LEPR: variants seen among roughly 807,000 people sequenced by gnomAD.
LEPR encodes the protein leptin receptor, also known as OB receptor.
LEPR carries 56 observed loss-of-function variants against 114.7 expected under a neutral mutation model. The observed-to-expected ratio is 0.49, with a 90% CI of 0.39 to 0.61. The LOEUF (loss-of-function observed/expected upper bound fraction) is 0.61. Ranked by LOEUF, LEPR falls within the 20% of genes least tolerant of loss-of-function variation. The probability of loss-of-function intolerance (pLI) is 0.00; values close to 1 mark genes in which losing one functional copy is unlikely to be tolerated. For missense variants in LEPR, 1,202 were observed against 1,352.9 expected (o/e 0.89, Z 1.75); for synonymous variants, 443 against 461.4 (o/e 0.96, Z 0.51).
intron 2 of LEPR, among the ~76,000 whole-genome samples, chr1:65,529,175 G>A (rs1205600843): frequency 6.6e-6 from 1 of 151,914 alleles, no homozygotes; most frequent in Non-Finnish European, 1.5e-5. Flanking sequence ...TTAACATTAT[G>A]TTTATGAGAT....
chr1:65,579,646 A>G (rs114315471), intron 5 of LEPR, among the ~76,000 whole-genome samples: 1,578 of 152,320 alleles, frequency 0.01, 32 homozygotes, highest in African/African-American at 0.037. Flanking sequence ...GTGATTAAAA[A>G]TTCTCACTTG....
intron 11 of LEPR, among the ~76,000 whole-genome samples, chr1:65,606,508 C>T (rs533605814): frequency 3.3e-5 from 5 of 152,268 alleles, no homozygotes; most frequent in South Asian, 2.1e-4. Flanking sequence ...CCTTTAAATC[C>T]GGACTAGCCA....
At chr1:65,459,031 A>G (rs898994275) in intron 2 of LEPR, among the ~76,000 whole-genome samples, 12 of 152,220 alleles carry the variant, frequency 7.9e-5, no homozygotes, top group African/African-American at 2.7e-4. Flanking sequence ...GGTGAAAGGA[A>G]CTGATGTAAA....
At chr1:65,617,187 A>G (rs1034352510) in intron 15 of LEPR, among the ~76,000 whole-genome samples, 20 of 152,200 alleles carry the variant, frequency 1.3e-4, no homozygotes, top group African/African-American at 4.8e-4. Context: ...TAAGACAGGT[A>G]TTAATGAAAT....
chr1:65,610,019 G>A lies in LEPR; in HGVS notation c.1825G>A (p.Val609Ile), dbSNP rs1257786005. 8 of 1,614,100 alleles carry A rather than the reference G, an allele frequency of 5.0e-6. No homozygotes were observed. In the Admixed American group the frequency reaches 8.3e-5, roughly 17 times the overall value. Reference sequence around the variant, plus strand: ...TCCAGACTTGTGTGCAGTCTATGCTGTTCAGGTGCGCTGTAAGAGGCTAGA... The same window carrying A: ...TCCAGACTTGTGTGCAGTCTATGCTATTCAGGTGCGCTGTAAGAGGCTAGA... ...PVPDLCAVYA[V>I]QVRCKRLDGL... The change falls in exon 13 of 20, where the codon GTT becomes ATT. Residue 609 changes from valine (V) to isoleucine (I), a missense_variant. Physicochemically the swap from Val to Ile is conservative, Grantham distance 29 (BLOSUM62 3). Transcript: ENST00000349533.
chr1:65,432,657 GAA>G (rs1349310362), intron 2 of LEPR: 11 of 984,280 alleles, frequency 1.1e-5, no homozygotes, highest in Non-Finnish European at 1.3e-5. Context: ...TCAAATTTAT[GAA>G]AAGTGTTCTC....
At chr1:65,564,347 C>G (rs369658291) in intron 2 of LEPR, among the ~76,000 whole-genome samples, 1 of 142,026 alleles carries the variant, frequency 7.0e-6, no homozygotes, top group African/African-American at 2.6e-5. Context: ...TTCTTTGACT[C>G]GGAAAGGGAA....
chr1:65,504,895 C>T (rs551759321), intron 2 of LEPR, among the ~76,000 whole-genome samples: 2 of 152,198 alleles, frequency 1.3e-5, no homozygotes, highest in East Asian at 3.9e-4. Context: ...GCATCTAAAT[C>T]TTTTAAAATA....
chr1:65,442,304 C>T (rs762734134), intron 2 of LEPR, among the ~76,000 whole-genome samples: 6 of 152,198 alleles, frequency 3.9e-5, no homozygotes, highest in Non-Finnish European at 8.8e-5. Context: ...TAGACAATAA[C>T]TTAATTCTTT....
intron 2 of LEPR, among the ~76,000 whole-genome samples, chr1:65,511,336 T>C (rs1294055362): frequency 1.3e-5 from 2 of 152,026 alleles, no homozygotes; most frequent in African/African-American, 4.8e-5. Flanking sequence ...AATCCAGACC[T>C]GAATCAGAAT....
chr1:65,586,519 G>T (rs1313577951), intron 5 of LEPR, among the ~76,000 whole-genome samples: 1 of 151,042 alleles, frequency 6.6e-6, no homozygotes. Flanking sequence ...ATTCAACTCT[G>T]TGCTTGCAGA....
intron 19 of LEPR, chr1:65,635,466 A>G (rs1658685347): frequency 1.3e-6 from 1 of 751,750 alleles, no homozygotes; most frequent in Non-Finnish European, 1.6e-6. Context: ...ACATGTCCAT[A>G]GTAAATATTT....
intron 2 of LEPR, chr1:65,433,055 A>G: frequency 1.0e-6 from 1 of 985,428 alleles, no homozygotes; most frequent in Non-Finnish European, 1.2e-6. Flanking sequence ...AGATGCGGGC[A>G]GGGAGGCTGG....
At chr1:65,517,698 T>C (rs1393763394) in intron 2 of LEPR, among the ~76,000 whole-genome samples, 1 of 152,220 alleles carries the variant, frequency 6.6e-6, no homozygotes, top group Non-Finnish European at 1.5e-5. Flanking sequence ...ACCATCATTC[T>C]AGTCTAACTC....
rs1391456180 is a variant in LEPR at position 65,443,972 on chromosome 1, T to A, written c.-21+18594T>A. ...GATACTTTTTTTTTTTTTTTTTTTT[T>A]ATACTCTAAGTTTTAGGGTACATGT... On this transcript the variant is annotated intron_variant, in intron 2 of 19. Transcript: ENST00000349533. Among the ~76,000 whole-genome samples the A allele has an allele frequency of 3.6e-4, 11 of 30,412 alleles. 2 individuals are homozygous for A. Among genetic ancestry groups the A allele is most frequent in the East Asian group, 1.1e-3 (4 of 3,780 alleles). 20.0% of individuals were successfully genotyped at this position (30,412 alleles called of 152,430 possible).
chr1:65,489,824 G>A (rs1364201137), intron 2 of LEPR, among the ~76,000 whole-genome samples: 1 of 152,046 alleles, frequency 6.6e-6, no homozygotes, highest in Non-Finnish European at 1.5e-5. Flanking sequence ...ATTCCAATTT[G>A]TTGGGATTTC....
chr1:65,526,393 A>T (rs973597452), intron 2 of LEPR: 1 of 985,402 alleles, frequency 1.0e-6, no homozygotes, highest in Non-Finnish European at 1.2e-6. Context: ...AGAGATTTGT[A>T]GTGGTGAGAA....
chr1:65,590,609 T>C (rs1655630453), intron 5 of LEPR, among the ~76,000 whole-genome samples: 1 of 107,662 alleles, frequency 9.3e-6, no homozygotes, highest in African/African-American at 3.7e-5. Flanking sequence ...CCTTCCACCA[T>C]GATTCTAAGT....
intron 3 of LEPR, 116 bp from the exon 4 acceptor site, chr1:65,570,357 G>A (rs1654067059): frequency 1.0e-6 from 1 of 971,360 alleles, no homozygotes; most frequent in South Asian, 1.7e-5. Context: ...ACTCACTGAG[G>A]ACTTAGAAAG....
Sources: allele counts gnomAD v4.1 joint callset (sites outside exome capture counted in the v4.1 genomes callset), GRCh38; gene constraint gnomAD v4.1.1; transcripts MANE v1.5; gene names NCBI Gene and HGNC (gene_info 2026-07-23, HGNC 2026-07-21).